The following GOPC variants were observed in gnomAD, a reference collection of about 807,000 sequenced individuals.
The protein encoded by GOPC is golgi associated PDZ and coiled-coil motif containing.
In GOPC, 32 loss-of-function variants were observed where a neutral mutation model predicts 51.2. The ratio of observed to expected loss-of-function variants is 0.63; its 90% CI spans 0.47 to 0.84. GOPC has a LOEUF of 0.84. GOPC is among the 40% of genes least tolerant of loss of function. The pLI is 0.00. For missense variants in GOPC, 441 were observed against 555.5 expected (o/e 0.79, Z 2.07); for synonymous variants, 190 against 205.1 (o/e 0.93, Z 0.63).
chr6:117,596,083 T>C (rs1780193598), intron 1 of GOPC, among the ~76,000 whole-genome samples: 1 of 152,178 alleles, frequency 6.6e-6, no homozygotes, highest in African/African-American at 2.4e-5. Flanking sequence ...TTTTTGATTA[T>C]AGCCATTCTT....
At chr6:117,563,484 G>A in intron 8 of GOPC, 100 bp from the exon 9 acceptor site, 1 of 1,095,362 alleles carries the variant, frequency 9.1e-7, no homozygotes, top group South Asian at 1.4e-5. Flanking sequence ...CACTTTGAGA[G>A]GCCAAGGTGG....
At chr6:117,582,513 C>T (rs1264298209) in intron 1 of GOPC, among the ~76,000 whole-genome samples, 3 of 151,316 alleles carry the variant, frequency 2.0e-5, no homozygotes, top group African/African-American at 7.3e-5. Context: ...GCCTGCCCTG[C>T]CCCCCATCCT....
Position 117,575,568 on chromosome 6 carries a change from T to A in GOPC, c.475-216A>T, listed in dbSNP as rs371167285. The A allele has an allele frequency of 2.0e-4, 147 of 729,364 alleles. 1 individual carries two copies. The African/African-American group carries it at 2.1e-3, about 10-fold the overall frequency. The allele number at this position is 729,364 out of a possible 1,614,324, so 45.2% of individuals were successfully genotyped here. A position where few individuals can be genotyped will look rare whatever the true frequency, so the allele number is the denominator to read the frequency against. Reference sequence around the variant, plus strand: ...TTGCACGCCATGGGTTACCCTGATATGGAGTATAGTAAGAAAAGTAGTCTA... The same window carrying A: ...TTGCACGCCATGGGTTACCCTGATAAGGAGTATAGTAAGAAAAGTAGTCTA... On this transcript the variant is annotated intron_variant, in intron 3 of 8. Transcript: ENST00000368498.
In GOPC at chr6:117,560,564, C is replaced by A. The variant is rs148634925; in HGVS notation, c.*2690G>T. ...AAGTCCACTGCAGTGGGGAAAAAAA[C>A]AGCACCACAGACAAGCTGTGCTAAC... On this transcript the variant is annotated 3_prime_UTR_variant, in exon 9 of 9. Transcript: ENST00000368498. 5.7e-5 allele frequency: 11 copies of A among 193,596 alleles called. No homozygotes were observed. The highest frequency in any genetic ancestry group is 2.5e-4 in the African/African-American group (11 of 43,182). The allele number at this position is 193,596 out of a possible 1,614,324, so 12.0% of individuals were successfully genotyped here.
rs562539196 is a variant in GOPC, at chr6:117,587,100, T to G, written c.286-8036A>C. Among the ~76,000 whole-genome samples the G allele has an allele frequency of 3.9e-5, 6 of 152,218 alleles. No homozygotes were observed. In the South Asian group the frequency reaches 1.2e-3, roughly 32 times the overall value. On this transcript the variant is annotated intron_variant, in intron 1 of 8. Transcript: ENST00000368498. ...CATCCCTCAAGATAGGAAATAATAC[T>G]CCTCCTTACTTCAGGTCAGCTCTTG...
intron 1 of GOPC, among the ~76,000 whole-genome samples, chr6:117,585,371 T>C (rs1042549391): frequency 3.2e-4 from 49 of 152,192 alleles, no homozygotes; most frequent in Non-Finnish European, 5.6e-4. Context: ...GCCTCATGTT[T>C]TGAAGGAGGA....
intron 8 of GOPC, among the ~76,000 whole-genome samples, chr6:117,564,925 A>T (rs1779663826): frequency 1.3e-5 from 2 of 152,196 alleles, no homozygotes; most frequent in South Asian, 4.1e-4. Flanking sequence ...GCAACAGTTT[A>T]TCAGTTCACC....
rs368691182 is a variant in GOPC at position 117,602,235 on chromosome 6, G to A, written c.54C>T (p.Ala18=). The change falls in exon 1 of 9, where the codon GCC becomes GCT. Residue 18 remains alanine (A), a synonymous_variant. Transcript: ENST00000368498. ...CGCCAGGGGCCCCCACGGAGCAGGA[G>A]GCGCCCCCTGGGCCCCCTCCGGCTG... ...PAAAGGGPGG[A]SCSVGAPGGV... is the part of the protein sequence containing the mutation. 2.9e-5 allele frequency: 47 copies of A among 1,603,222 alleles called. No individual in the cohort carries two copies. The African/African-American group carries it at 4.3e-4, about 15-fold the overall frequency.
intron 1 of GOPC, among the ~76,000 whole-genome samples, chr6:117,586,410 T>C (rs1780033479): frequency 1.3e-5 from 2 of 151,856 alleles, no homozygotes; most frequent in Non-Finnish European, 2.9e-5. Context: ...GGCAATTCCA[T>C]TTTATCTGGC....
At chr6:117,589,066 T>A (rs918236380) in intron 1 of GOPC, among the ~76,000 whole-genome samples, 2 of 152,032 alleles carry the variant, frequency 1.3e-5, no homozygotes, top group Non-Finnish European at 2.9e-5. Context: ...AAAAAACAAA[T>A]CACGCAAAAA....
chr6:117,575,993 T>C lies in GOPC; in HGVS notation c.475-641A>G, dbSNP rs542146810. Among the ~76,000 whole-genome samples, 10 of 152,300 alleles carry C rather than the reference T, an allele frequency of 6.6e-5. No individual in the cohort carries two copies. In the East Asian group the frequency reaches 1.2e-3, roughly 18 times the overall value. On this transcript the variant is annotated intron_variant, in intron 3 of 8. Coordinates refer to ENST00000368498, the MANE Select transcript of GOPC (RefSeq NM_020399.4). Reference sequence around the variant, plus strand: ...TACATAATTATTTCCCTTTTTATTCTGGATATTGAGAAGCTAAGAAACAAA... The same window carrying C: ...TACATAATTATTTCCCTTTTTATTCCGGATATTGAGAAGCTAAGAAACAAA...
intron 1 of GOPC, among the ~76,000 whole-genome samples, chr6:117,587,243 AT>A (rs1310766612): frequency 6.6e-6 from 1 of 152,184 alleles, no homozygotes; most frequent in Non-Finnish European, 1.5e-5. Flanking sequence ...CCCCCAAAAA[AT>A]AACATTCTAC....
In GOPC at chr6:117,573,830, A is replaced by G. The variant is rs148462646; in HGVS notation, c.651-198T>C. On this transcript the variant is annotated intron_variant, in intron 4 of 8. Transcript: ENST00000368498. ...AAGAACAGGTATCCTCAAGGGAAAA[A>G]CCAGTAAAAAAAATTTTTAAAGGAA... Among the ~76,000 whole-genome samples the G allele has an allele frequency of 2.5e-3, 375 of 152,236 alleles. 5 individuals carry two copies. Among genetic ancestry groups the G allele is most frequent in the Admixed American group, 0.017 (263 of 15,276 alleles).
At chr6:117,582,206 T>G (rs532625880) in intron 1 of GOPC, among the ~76,000 whole-genome samples, 3 of 151,704 alleles carry the variant, frequency 2.0e-5, no homozygotes, top group African/African-American at 7.3e-5. Context: ...GTCCATATTT[T>G]TCTTGGTGGT....
At position 117,575,312 on chromosome 6, in the gene GOPC, T is replaced by G. The variant is rs1779864436; in HGVS notation, c.515A>C (p.Glu172Ala). The change falls in exon 4 of 9, where the codon GAA becomes GCA. Residue 172 changes from glutamate to alanine, a missense_variant. Around this residue, in one of 3 missense-constraint regions of GOPC, gnomAD observed 204 missense variants for 219.8 expected, o/e 0.93. Transcript: ENST00000368498. Reference sequence around the variant, plus strand: ...TTTCACTTCAGCTTCAAGTTGTGCTTCTTTCATTTTTTCTTTTTTGTTTGC... The same window carrying G: ...TTTCACTTCAGCTTCAAGTTGTGCTGCTTTCATTTTTTCTTTTTTGTTTGC... Reference protein sequence around the residue: ...LEANKKEKMKEAQLEAEVKLL... With the variant: ...LEANKKEKMKAAQLEAEVKLL... 1.2e-6 allele frequency: 2 copies of G among 1,612,090 alleles called. No individual in the cohort carries two copies. The highest frequency in any genetic ancestry group is 1.7e-5 in the Admixed American group (1 of 59,680).
At chr6:117,574,745 A>C (rs1200958626) in intron 4 of GOPC, among the ~76,000 whole-genome samples, 1 of 152,228 alleles carries the variant, frequency 6.6e-6, no homozygotes, top group Non-Finnish European at 1.5e-5. Flanking sequence ...ACCAACTGTA[A>C]AATAATTCTG....
At chr6:117,589,516 A>C (rs905760779) in intron 1 of GOPC, among the ~76,000 whole-genome samples, 3 of 152,140 alleles carry the variant, frequency 2.0e-5, no homozygotes, top group Non-Finnish European at 4.4e-5. Flanking sequence ...ATGGGGTTTC[A>C]CCATGTTGGT....
chr6:117,582,461 C>A (rs182330800), intron 1 of GOPC, among the ~76,000 whole-genome samples: 1 of 151,872 alleles, frequency 6.6e-6, no homozygotes, highest in African/African-American at 2.4e-5. Flanking sequence ...TGAAAAAGGT[C>A]TTTTTACCAA....
chr6:117,598,135 G>C (rs1178383117), intron 1 of GOPC, among the ~76,000 whole-genome samples: 1 of 150,244 alleles, frequency 6.7e-6, no homozygotes, highest in East Asian at 2.0e-4. Flanking sequence ...GAGGCAGGAG[G>C]ATCTCTTGAG....
Sources: allele counts gnomAD v4.1 joint callset (sites outside exome capture counted in the v4.1 genomes callset), GRCh38; gene constraint gnomAD v4.1.1; regional missense constraint gnomAD v4.1.1; transcripts MANE v1.5; gene names NCBI Gene and HGNC (gene_info 2026-07-23, HGNC 2026-07-21).